The following PSMD14 variants were observed in gnomAD, a reference collection of about 807,000 sequenced individuals.
PSMD14 encodes the protein proteasome 26S subunit, non-ATPase 14, also known as ubiquitin C-terminal hydrolase PSMD14.
In PSMD14, 7 loss-of-function variants were observed where a neutral mutation model predicts 41.2. The observed-to-expected ratio is 0.17, with a 90% CI of 0.10 to 0.32. PSMD14 has a LOEUF of 0.32. PSMD14 is among the 10% of genes least tolerant of loss of function. The pLI is 1.00. For missense variants in PSMD14, 139 were observed against 375.6 expected (o/e 0.37, Z 5.21); for synonymous variants, 114 against 122.3 (o/e 0.93, Z 0.45).
At chr2:161,386,640 C>T (rs1247577274) in intron 8 of PSMD14, among the ~76,000 whole-genome samples, 1 of 151,680 alleles carries the variant, frequency 6.6e-6, no homozygotes, top group Non-Finnish European at 1.5e-5. Flanking sequence ...TGATTGGGTA[C>T]AGACAAGCCT....
intron 3 of PSMD14, among the ~76,000 whole-genome samples, chr2:161,359,989 T>G (rs1683267019): frequency 6.6e-6 from 1 of 152,126 alleles, no homozygotes; most frequent in Non-Finnish European, 1.5e-5. Context: ...GATGAATACT[T>G]AAGTATTATT....
At chr2:161,401,330 G>A (rs1230789941) in intron 10 of PSMD14, among the ~76,000 whole-genome samples, 2 of 152,202 alleles carry the variant, frequency 1.3e-5, no homozygotes, top group Admixed American at 1.3e-4. Context: ...GAGAGTCAAA[G>A]TGACATACAG....
At chr2:161,371,618 A>G (rs1476033346) in intron 7 of PSMD14, among the ~76,000 whole-genome samples, 1 of 152,142 alleles carries the variant, frequency 6.6e-6, no homozygotes, top group Non-Finnish European at 1.5e-5. Flanking sequence ...CCTGCTATAA[A>G]CATTTTATTA....
intron 10 of PSMD14, among the ~76,000 whole-genome samples, chr2:161,402,047 A>G (rs1294426059): frequency 6.6e-6 from 1 of 152,198 alleles, no homozygotes; most frequent in African/African-American, 2.4e-5. Context: ...TTCTGATGTT[A>G]TTAATATTCT....
intron 10 of PSMD14, among the ~76,000 whole-genome samples, chr2:161,404,145 A>G (rs1260339101): frequency 6.6e-6 from 1 of 151,494 alleles, no homozygotes; most frequent in African/African-American, 2.4e-5. Context: ...GCCTCAAGTG[A>G]TGCTTCCCCC....
intron 7 of PSMD14, among the ~76,000 whole-genome samples, chr2:161,378,870 A>T (rs1201133079): frequency 6.6e-6 from 1 of 152,062 alleles, no homozygotes; most frequent in Non-Finnish European, 1.5e-5. Context: ...TATAGTATTT[A>T]ATTGATAAGC....
At chr2:161,350,500 GT>G (rs1250145744) in intron 3 of PSMD14, among the ~76,000 whole-genome samples, 2 of 152,136 alleles carry the variant, frequency 1.3e-5, no homozygotes, top group Non-Finnish European at 2.9e-5. Flanking sequence ...GTCTTAAACT[GT>G]TCCATTTTGG....
At chr2:161,367,305 A>G (rs149668734) in intron 3 of PSMD14, among the ~76,000 whole-genome samples, 173 bp from the exon 4 acceptor site, 1 of 152,318 alleles carries the variant, frequency 6.6e-6, no homozygotes, top group African/African-American at 2.4e-5. Context: ...CCTGTTTTCT[A>G]CAGGTTTGAT....
chr2:161,389,889 G>GTTGTTATTTT, intron 8 of PSMD14, among the ~76,000 whole-genome samples: 1 of 20,042 alleles, frequency 5.0e-5, no homozygotes, highest in African/African-American at 1.5e-4. Flanking sequence ...CTTTTTTGTT[G>GTTGTTATTTT]TTTTTTTTTT....
intron 3 of PSMD14, among the ~76,000 whole-genome samples, chr2:161,361,897 G>A (rs1683293938): frequency 6.6e-6 from 1 of 152,044 alleles, no homozygotes; most frequent in South Asian, 2.1e-4. Flanking sequence ...CTTTTAACAA[G>A]GGACTTTAAT....
intron 1 of PSMD14, among the ~76,000 whole-genome samples, chr2:161,315,996 C>A (rs1689143984): frequency 6.6e-6 from 1 of 152,034 alleles, no homozygotes; most frequent in African/African-American, 2.4e-5. Context: ...TGCCTGCCAC[C>A]ACGCCTGGCT....
intron 9 of PSMD14, among the ~76,000 whole-genome samples, chr2:161,391,805 C>G (rs1420524397): frequency 2.6e-5 from 4 of 151,998 alleles, no homozygotes; most frequent in Non-Finnish European, 5.9e-5. Flanking sequence ...TGCTTTGTTG[C>G]TCAGGTTGGG....
intron 3 of PSMD14, among the ~76,000 whole-genome samples, chr2:161,322,717 C>T (rs1273168285): frequency 1.3e-5 from 2 of 151,900 alleles, no homozygotes; most frequent in Non-Finnish European, 2.9e-5. Flanking sequence ...TGGAGGAATT[C>T]ACAGTAATAA....
intron 3 of PSMD14, among the ~76,000 whole-genome samples, chr2:161,337,143 C>T (rs1050553427): frequency 2.0e-5 from 3 of 152,122 alleles, no homozygotes; most frequent in Admixed American, 6.5e-5. Context: ...AAGAGGGAAA[C>T]GTGCTTTGTT....
chr2:161,382,421 G>A (rs572956368), intron 7 of PSMD14: 18 of 151,924 alleles, frequency 1.2e-4, no homozygotes, highest in South Asian at 4.1e-4. Context: ...ACAAGCCTGA[G>A]AAATTATAAA....
intron 3 of PSMD14, among the ~76,000 whole-genome samples, chr2:161,357,619 G>A (rs1317830456): frequency 2.0e-5 from 3 of 152,138 alleles, no homozygotes; most frequent in East Asian, 1.9e-4. Flanking sequence ...ACAGAAGTAT[G>A]TAACTATAAA....
intron 3 of PSMD14, among the ~76,000 whole-genome samples, chr2:161,349,230 C>T (rs1158436606): frequency 6.6e-6 from 1 of 152,120 alleles, no homozygotes; most frequent in African/African-American, 2.4e-5. Flanking sequence ...CTAATAGTTC[C>T]CCTTTCTCTA....
intron 7 of PSMD14, among the ~76,000 whole-genome samples, chr2:161,376,325 A>C (rs914232840): frequency 3.3e-5 from 5 of 151,900 alleles, no homozygotes; most frequent in Middle Eastern, 3.4e-3. Flanking sequence ...ATCATGAGGT[A>C]ATATATGTAG....
At chr2:161,389,889 G>GTTGTTTTTTTTTTTTTGTTT in intron 8 of PSMD14, among the ~76,000 whole-genome samples, 1 of 20,042 alleles carries the variant, frequency 5.0e-5, no homozygotes, top group Non-Finnish European at 1.0e-4. Flanking sequence ...CTTTTTTGTT[G>GTTGTTTTTTTTTTTTTGTTT]TTTTTTTTTT....
Sources: allele counts gnomAD v4.1 joint callset (sites outside exome capture counted in the v4.1 genomes callset), GRCh38; gene constraint gnomAD v4.1.1; transcripts MANE v1.5; gene names NCBI Gene and HGNC (gene_info 2026-07-23, HGNC 2026-07-21).